The following MKLN1 variants were observed in gnomAD, a reference collection of about 807,000 sequenced individuals.
MKLN1 encodes the protein muskelin.
In MKLN1, 18 loss-of-function variants were observed where a neutral mutation model predicts 99.0. That is an observed-to-expected ratio of 0.18 (90% CI 0.13 to 0.27). The LOEUF is 0.27. MKLN1 is among the 10% of genes least tolerant of loss of function. The pLI is 1.00. For missense variants in MKLN1, 621 were observed against 875.9 expected (o/e 0.71, Z 3.67); for synonymous variants, 288 against 293.2 (o/e 0.98, Z 0.18).
chr7:131,165,642 A>T (rs139940098), intron 2 of MKLN1, among the ~76,000 whole-genome samples: 132 of 152,358 alleles, frequency 8.7e-4, no homozygotes, highest in Non-Finnish European at 1.4e-3. Context: ...GCACTAGATT[A>T]AGATCAAATT....
chr7:131,270,557 C>T (rs1797870071), intron 3 of MKLN1, among the ~76,000 whole-genome samples: 1 of 152,184 alleles, frequency 6.6e-6, no homozygotes, highest in African/African-American at 2.4e-5. Flanking sequence ...TCTATGCTTT[C>T]CTATTATAAT....
intron 2 of MKLN1, among the ~76,000 whole-genome samples, chr7:131,160,919 G>T (rs6952326): frequency 9.2e-5 from 14 of 152,100 alleles, no homozygotes; most frequent in Non-Finnish European, 1.9e-4. Flanking sequence ...AGGAGCAAGT[G>T]GTTGCTTTAG....
intron 1 of MKLN1, among the ~76,000 whole-genome samples, chr7:131,374,807 C>T (rs576564240): frequency 3.0e-4 from 46 of 151,814 alleles, no homozygotes; most frequent in South Asian, 8.3e-4. Flanking sequence ...ATATTCTATA[C>T]GATGCATGTT....
intron 2 of MKLN1, among the ~76,000 whole-genome samples, chr7:131,173,996 G>A (rs1360081467): frequency 3.1e-5 from 4 of 127,406 alleles, no homozygotes; most frequent in Non-Finnish European, 6.3e-5. Flanking sequence ...TTTTTGAGAC[G>A]GGAGTCTCGG....
At chr7:131,232,825 G>T (rs142188388) in intron 3 of MKLN1, among the ~76,000 whole-genome samples, 19 of 152,118 alleles carry the variant, frequency 1.2e-4, no homozygotes, top group African/African-American at 3.9e-4. Context: ...CAGCCTGGGT[G>T]ACAGAGGGAG....
intron 3 of MKLN1, among the ~76,000 whole-genome samples, chr7:131,263,880 T>C (rs1290122165): frequency 6.6e-6 from 1 of 152,124 alleles, no homozygotes; most frequent in Non-Finnish European, 1.5e-5. Context: ...TGATTGCACT[T>C]TCAAGAAATG....
chr7:131,350,359 C>T (rs1432271526), intron 1 of MKLN1, among the ~76,000 whole-genome samples: 1 of 151,970 alleles, frequency 6.6e-6, no homozygotes, highest in African/African-American at 2.4e-5. Flanking sequence ...TGCACCTGGC[C>T]TTCGTTATCT....
intron 11 of MKLN1, among the ~76,000 whole-genome samples, chr7:131,444,781 T>A (rs559150299): frequency 3.5e-5 from 5 of 144,238 alleles, no homozygotes; most frequent in Non-Finnish European, 6.0e-5. Context: ...GTAGTAGTAG[T>A]AGTAGTAGTA....
chr7:131,400,613 G>C, intron 6 of MKLN1, among the ~76,000 whole-genome samples: 1 of 150,238 alleles, frequency 6.7e-6, no homozygotes, highest in East Asian at 1.9e-4. Context: ...TAATTTTAGG[G>C]CTTTTTTGTT....
At chr7:131,364,156 A>G (rs557163391) in intron 1 of MKLN1, among the ~76,000 whole-genome samples, 187 of 152,266 alleles carry the variant, frequency 1.2e-3, no homozygotes, top group Non-Finnish European at 2.1e-3. Flanking sequence ...AATTGATTTA[A>G]GAGTTGATCC....
intron 12 of MKLN1, among the ~76,000 whole-genome samples, chr7:131,457,238 T>C (rs1796371035): frequency 6.6e-6 from 1 of 151,332 alleles, no homozygotes; most frequent in African/African-American, 2.4e-5. Flanking sequence ...AACTGTGCCA[T>C]TGCACTCCAG....
intron 1 of MKLN1, among the ~76,000 whole-genome samples, chr7:131,111,139 A>G (rs1435780845): frequency 6.6e-6 from 1 of 152,152 alleles, no homozygotes; most frequent in Non-Finnish European, 1.5e-5. Flanking sequence ...CATTTTTTTT[A>G]TGTCAGTCAT....
intron 1 of MKLN1, among the ~76,000 whole-genome samples, chr7:131,342,281 T>C (rs1799430727): frequency 1.3e-5 from 2 of 152,178 alleles, no homozygotes; most frequent in African/African-American, 2.4e-5. Flanking sequence ...ATGTATTACT[T>C]TGAGAATTTT....
intron 1 of MKLN1, among the ~76,000 whole-genome samples, chr7:131,329,196 A>G (rs1407355950): frequency 6.6e-6 from 1 of 152,254 alleles, no homozygotes; most frequent in African/African-American, 2.4e-5. Flanking sequence ...CACTGGTTAT[A>G]TCAATGAAGA....
intron 4 of MKLN1, among the ~76,000 whole-genome samples, chr7:131,392,109 A>G (rs1794212366): frequency 6.6e-6 from 1 of 152,206 alleles, no homozygotes; most frequent in African/African-American, 2.4e-5. Context: ...GGTTGAGGGT[A>G]TTGGTTACAG....
chr7:131,157,932 A>G (rs1197094393), intron 2 of MKLN1, among the ~76,000 whole-genome samples: 1 of 152,146 alleles, frequency 6.6e-6, no homozygotes, highest in Admixed American at 6.5e-5. Flanking sequence ...GGAATGAGCA[A>G]GGGCACTGCT....
intron 1 of MKLN1, among the ~76,000 whole-genome samples, chr7:131,328,685 A>G (rs534933081): frequency 1.7e-4 from 26 of 152,306 alleles, no homozygotes; most frequent in Non-Finnish European, 3.4e-4. Context: ...ATGGGTTTGT[A>G]TGGACACAGA....
intron 1 of MKLN1, among the ~76,000 whole-genome samples, chr7:131,121,023 T>A (rs1028780591): frequency 1.3e-5 from 2 of 152,208 alleles, no homozygotes; most frequent in African/African-American, 4.8e-5. Context: ...AGAGCTTTAA[T>A]CGGCACATGG....
At chr7:131,265,930 T>G (rs1294051264) in intron 3 of MKLN1, among the ~76,000 whole-genome samples, 1 of 152,064 alleles carries the variant, frequency 6.6e-6, no homozygotes, top group Non-Finnish European at 1.5e-5. Flanking sequence ...TCCCAACATT[T>G]TGGGAGGCCA....
Sources: allele counts gnomAD v4.1 joint callset (sites outside exome capture counted in the v4.1 genomes callset), GRCh38; gene constraint gnomAD v4.1.1; transcripts MANE v1.5; gene names NCBI Gene and HGNC (gene_info 2026-07-23, HGNC 2026-07-21).